Variants in DVL3 observed in about 807,000 individuals in gnomAD.
DVL3 encodes the protein segment polarity protein dishevelled homolog DVL-3.
A neutral mutation model predicts 67.4 loss-of-function variants in DVL3; 27 were observed. The ratio of observed to expected loss-of-function variants is 0.40; its 90% CI spans 0.30 to 0.55. The LOEUF (loss-of-function observed/expected upper bound fraction) is 0.55, where lower values mean the gene tolerates loss of function less well. DVL3 is among the 20% of genes least tolerant of loss of function. The probability of loss-of-function intolerance (pLI) is 0.46; values close to 1 mark genes in which losing one functional copy is unlikely to be tolerated. For missense variants in DVL3, 819 were observed against 1,021.5 expected, an observed-to-expected ratio of 0.80 and a Z score of 2.70; for synonymous variants, 369 against 396.8, an observed-to-expected ratio of 0.93 and a Z score of 0.83.
Position 184,164,273 on chromosome 3 carries a change from T to C in DVL3, c.238T>C (p.Ser80Pro). ...FNGRVVSWLVSAEGSHPDPAP... is the reference protein window; with the variant it reads ...FNGRVVSWLVPAEGSHPDPAP... ...CTCAGTTTCTCCCTTTCAGCTGGTG[T>C]CAGCTGAGGGCTCACACCCAGACCC... The change falls in exon 3 of 15, where the codon TCA becomes CCA. Residue 80 changes from serine to proline, a missense_variant. By Grantham distance (74) the Ser-to-Pro change is moderately conservative. Transcript: ENST00000313143. The surrounding 1 kb of genome is among the most constrained non-coding windows in gnomAD (Gnocchi z 5.3). The C allele has an allele frequency of 6.2e-7, 1 of 1,613,888 alleles. No homozygotes were observed. Among genetic ancestry groups the C allele is most frequent in the Non-Finnish European group, 8.5e-7 (1 of 1,179,916 alleles).
rs73185718 is a variant in DVL3 at position 184,163,446 on chromosome 3, G to A, written c.162-211G>A. Among the ~76,000 whole-genome samples the A allele has an allele frequency of 0.11, 17,014 of 152,182 alleles. 1,202 individuals are homozygous for A. The highest frequency in any genetic ancestry group is 0.16 in the Non-Finnish European group (10,856 of 67,996). The stretch of plus-strand genomic sequence containing the variant: ...CACCTGATGACTGAGAGGATGCCCC[G>A]GGAAGGTATCTGGCCTAGGCAGGGC... On this transcript the variant is annotated intron_variant, in intron 1 of 14. Coordinates refer to ENST00000313143, the MANE Select transcript of DVL3 (RefSeq NM_004423.4). The surrounding 1 kb of genome is among the most constrained non-coding windows in gnomAD (Gnocchi z 4.5).
In DVL3 at chr3:184,170,238, G is replaced by A. The variant is rs774547282; in HGVS notation, c.1714+17G>A. 40 of 1,610,936 alleles carry A rather than the reference G, an allele frequency of 2.5e-5. No individual in the cohort carries two copies. Among genetic ancestry groups the A allele is most frequent in the Non-Finnish European group, 3.2e-5 (38 of 1,178,902 alleles). On this transcript the variant is annotated intron_variant, in intron 14 of 14. Transcript: ENST00000313143. The surrounding 1 kb of genome is among the most constrained non-coding windows in gnomAD (Gnocchi z 6.5). ...ACAGCGAAGGTAAGGTAGAGGGGCCGTGGAGGAAGGCTATAGGTGGGCCCC... is the reference window on the plus strand; with the variant it reads ...ACAGCGAAGGTAAGGTAGAGGGGCCATGGAGGAAGGCTATAGGTGGGCCCC...
chr3:184,165,448 C>T lies in DVL3; in HGVS notation c.720C>T (p.Asp240=). ...CCTCGTCCTTCAGCAGCATCACGGA[C>T]TCCACCATGTCACTCAACATCATCA... ...ERSSSFSSIT[D]STMSLNIITV... is the part of the protein sequence containing the mutation. The change falls in exon 7 of 15, where the codon GAC becomes GAT. Residue 240 remains aspartate, a synonymous_variant. Transcript: ENST00000313143. The surrounding 1 kb of genome is among the most constrained non-coding windows in gnomAD (Gnocchi z 4.1). 1.2e-6 allele frequency: 2 copies of T among 1,614,104 alleles called. No homozygotes were observed. The highest frequency in any genetic ancestry group is 1.7e-6 in the Non-Finnish European group (2 of 1,180,010).
chr3:184,162,564 T>TC (rs1247498722), intron 1 of DVL3, among the ~76,000 whole-genome samples: 2 of 147,054 alleles, frequency 1.4e-5, no homozygotes, highest in Admixed American at 6.7e-5. Flanking sequence ...TCTTTTCTTT[T>TC]TTTTTTTTTT....
chr3:184,164,394 T>A lies in DVL3; in HGVS notation c.353+6T>A. 2 of 1,612,746 alleles carry A rather than the reference T, an allele frequency of 1.2e-6. No homozygotes were observed. The highest frequency in any genetic ancestry group is 1.7e-6 in the Non-Finnish European group (2 of 1,179,322). On this transcript the variant is annotated splice_donor_region_variant and intron_variant, in intron 3 of 14. Coordinates refer to ENST00000313143, the MANE Select transcript of DVL3 (RefSeq NM_004423.4). This position sits in a 1 kb window ranked among gnomAD's most constrained non-coding sequence, Gnocchi z 5.3. ...TCCCGACCCCCATCCTTCCAGTGAG[T>A]GTGACCTGAGGGTGGGGAGGGCCGC...
chr3:184,169,296 TC>T (rs1231940340), intron 13 of DVL3, among the ~76,000 whole-genome samples: 4 of 152,266 alleles, frequency 2.6e-5, no homozygotes, highest in Non-Finnish European at 5.9e-5. Context: ...CTATTGTGCC[TC>T]ATGAACTTCA....
chr3:184,159,931 T>G (rs922304841), intron 1 of DVL3, among the ~76,000 whole-genome samples: 20 of 151,886 alleles, frequency 1.3e-4, no homozygotes, highest in Admixed American at 5.9e-4. Context: ...TTTTTATTTT[T>G]TATTTTTATT....
In DVL3 at chr3:184,155,842, G is replaced by A; in HGVS notation, c.161+46G>A. The A allele has an allele frequency of 1.3e-6, 2 of 1,562,424 alleles. No homozygotes were observed. The highest frequency in any genetic ancestry group is 1.7e-4 in the Middle Eastern group (1 of 5,866). On this transcript the variant is annotated intron_variant, in intron 1 of 14. Coordinates refer to ENST00000313143, the MANE Select transcript of DVL3 (RefSeq NM_004423.4). The surrounding 1 kb of genome is among the most constrained non-coding windows in gnomAD (Gnocchi z 5.4). ...GCCTCCGGGAGCCCCGGCCGCTCTG[G>A]CTTCTAAGGGATGACGCGGTCCGTT...
intron 1 of DVL3, chr3:184,156,793 T>A (rs558009731): frequency 3.6e-6 from 1 of 281,198 alleles, no homozygotes; most frequent in South Asian, 3.3e-5. Context: ...GCCGCCTCAC[T>A]AACTGGGCGC....
rs1320884143 is a variant in DVL3, at chr3:184,170,908, G to A, written c.*153G>A. ...CTAACTGCTCGCAGGGTGCTGCGAG[G>A]GTGGGGTGCACCTACCGATTGGCTC... On this transcript the variant is annotated 3_prime_UTR_variant, in exon 15 of 15. Transcript: ENST00000313143. This position sits in a 1 kb window ranked among gnomAD's most constrained non-coding sequence, Gnocchi z 6.5. 2 of 1,544,652 alleles carry A rather than the reference G, an allele frequency of 1.3e-6. No homozygotes were observed. Among genetic ancestry groups the A allele is most frequent in the African/African-American group, 1.4e-5 (1 of 72,944 alleles).
intron 1 of DVL3, among the ~76,000 whole-genome samples, chr3:184,162,894 C>G (rs371982030): frequency 1.4e-3 from 219 of 152,138 alleles, no homozygotes; most frequent in Middle Eastern, 6.8e-3. Context: ...GTAGTTTGGC[C>G]GGGGGAATGT....
rs1257343078 is a variant in DVL3, at chr3:184,165,718, A to G, written c.763+227A>G. On this transcript the variant is annotated intron_variant, in intron 7 of 14. Transcript: ENST00000313143. The surrounding 1 kb of genome is among the most constrained non-coding windows in gnomAD (Gnocchi z 4.1). The stretch of plus-strand genomic sequence containing the variant: ...AATGGTATCAGGGAAGGCTTCCTGG[A>G]GGAAGTGATTTCTGAGTGCCCACTC... 6.6e-6 allele frequency among the ~76,000 whole-genome samples: 1 copy of G among 152,218 alleles called. No homozygotes were observed. Among genetic ancestry groups the G allele is most frequent in the Non-Finnish European group, 1.5e-5 (1 of 68,028 alleles).
In DVL3 at chr3:184,171,118, C is replaced by A; in HGVS notation, c.*363C>A. 1 of 1,207,544 alleles carries A rather than the reference C, an allele frequency of 8.3e-7. No homozygotes were observed. The highest frequency in any genetic ancestry group is 1.0e-6 in the Non-Finnish European group (1 of 959,750). The allele number at this position is 1,207,544 out of a possible 1,614,324, so 74.8% of individuals were successfully genotyped here. On this transcript the variant is annotated 3_prime_UTR_variant, in exon 15 of 15. Coordinates refer to ENST00000313143, the MANE Select transcript of DVL3 (RefSeq NM_004423.4). ...GACCTTGGTGGCACGCTCACTCCCTCATTCTCTCGTTTCCCCTTTAGCTCC... is the reference window on the plus strand; with the variant it reads ...GACCTTGGTGGCACGCTCACTCCCTAATTCTCTCGTTTCCCCTTTAGCTCC...
Position 184,171,044 on chromosome 3 carries a change from C to G in DVL3, c.*289C>G, listed in dbSNP as rs1268149542. ...TCTGGGACCAGACTTGTTGGTGCTA[C>G]CCCTTACTCCCCTCTGCAACCCCCA... On this transcript the variant is annotated 3_prime_UTR_variant, in exon 15 of 15. Coordinates refer to ENST00000313143, the MANE Select transcript of DVL3 (RefSeq NM_004423.4). The G allele has an allele frequency of 1.5e-6, 2 of 1,336,102 alleles. No individual in the cohort carries two copies. The highest frequency in any genetic ancestry group is 1.9e-6 in the Non-Finnish European group (2 of 1,034,122). 82.8% of individuals were successfully genotyped at this position (1,336,102 alleles called of 1,614,324 possible).
At chr3:184,161,365 T>C (rs111770487) in intron 1 of DVL3, among the ~76,000 whole-genome samples, 34 of 151,896 alleles carry the variant, frequency 2.2e-4, no homozygotes, top group Admixed American at 6.6e-5. Flanking sequence ...AGGCGCAGGT[T>C]GCAGTGGGCT....
intron 1 of DVL3, among the ~76,000 whole-genome samples, chr3:184,158,332 C>T (rs1277708617): frequency 1.5e-5 from 2 of 133,476 alleles, no homozygotes; most frequent in Admixed American, 1.5e-4. Context: ...GACCGTGTTT[C>T]AGAAAAAAAA....
In DVL3 at chr3:184,163,414, T is replaced by C. The variant is rs781351603; in HGVS notation, c.162-243T>C. Among the ~76,000 whole-genome samples, 29 of 152,162 alleles carry C rather than the reference T, an allele frequency of 1.9e-4. No homozygotes were observed. The highest frequency in any genetic ancestry group is 3.7e-4 in the Non-Finnish European group (25 of 68,020). On this transcript the variant is annotated intron_variant, in intron 1 of 14. Transcript: ENST00000313143. This position sits in a 1 kb window ranked among gnomAD's most constrained non-coding sequence, Gnocchi z 4.5. ...GGGACAGTGATGTGTCAGTTGTAAT[T>C]TGCAATCACCTGATGACTGAGAGGA... is the stretch of plus-strand genomic sequence containing the variant.
Position 184,166,266 on chromosome 3 carries a change from G to A in DVL3, c.903+1G>A. ...CGAGCCAGGAGATATGTTGTTACAG[G>A]TATCAGTGCCCATCCTAGGCGGTGG... On this transcript the variant is annotated splice_donor_variant, in intron 8 of 14. Transcript: ENST00000313143. LOFTEE classifies it high-confidence loss of function. The surrounding 1 kb of genome is among the most constrained non-coding windows in gnomAD (Gnocchi z 6.7). 6.2e-7 allele frequency: 1 copy of A among 1,612,542 alleles called. No homozygotes were observed. The highest frequency in any genetic ancestry group is 1.1e-5 in the South Asian group (1 of 90,988).
Position 184,166,743 on chromosome 3 carries a change from C to G in DVL3, c.1048+70C>G, listed in dbSNP as rs1475599330. ...ATGAGCACTGTCTCTCCTTTCTTCTCTCACCCAGAACCCCCATATCTATCC... is the reference window on the plus strand; with the variant it reads ...ATGAGCACTGTCTCTCCTTTCTTCTGTCACCCAGAACCCCCATATCTATCC... On this transcript the variant is annotated intron_variant, in intron 10 of 14. Transcript: ENST00000313143. The surrounding 1 kb of genome is among the most constrained non-coding windows in gnomAD (Gnocchi z 6.7). The G allele has an allele frequency of 1.2e-6, 2 of 1,612,496 alleles. No individual in the cohort carries two copies. Among genetic ancestry groups the G allele is most frequent in the African/African-American group, 2.7e-5 (2 of 74,880 alleles).
Sources: allele counts gnomAD v4.1 joint callset (sites outside exome capture counted in the v4.1 genomes callset), GRCh38; gene constraint gnomAD v4.1.1; non-coding constraint Gnocchi (gnomAD v3.1); transcripts MANE v1.5; gene names NCBI Gene and HGNC (gene_info 2026-07-23, HGNC 2026-07-21).